Variants in CLPB observed in about 807,000 individuals in gnomAD.
CLPB encodes ClpB family mitochondrial disaggregase, also known as mitochondrial disaggregase.
In CLPB, 40 loss-of-function variants were observed where a neutral mutation model predicts 78.4. That is an observed-to-expected ratio of 0.51 (90% CI 0.40 to 0.66). The LOEUF is 0.66. Among genes scored for constraint, CLPB ranks in the 30% least tolerant of loss-of-function variants. The pLI is 0.00. For synonymous variants in CLPB, 333 were observed against 348.0 expected (o/e 0.96, Z 0.48); for missense variants, 780 against 886.9 (o/e 0.88, Z 1.53).
rs564559186 is a variant in CLPB, at chr11:72,328,383, T to G, written c.873+1324A>C. On this transcript the variant is annotated intron_variant, in intron 6 of 15. Transcript: ENST00000538039. ...GGTTGTTACAATAGCATAATCTAGC[T>G]TATCCTGACTGATCCATAGACAATC... Among the ~76,000 whole-genome samples, 5 of 152,360 alleles carry G rather than the reference T, an allele frequency of 3.3e-5. No individual in the cohort carries two copies. In the East Asian group the frequency reaches 7.7e-4, roughly 23 times the overall value.
rs751173875 is a variant in CLPB, at chr11:72,293,995, C to T, written c.1785+27G>A. ...CCCTGGGGAGGGAGGTGTGGAGGCG[C>T]CTCATTTCTCAGGCTCCTGTGCTCA... is the stretch of plus-strand genomic sequence containing the variant. On this transcript the variant is annotated intron_variant, in intron 15 of 15. Transcript: ENST00000538039. 4 of 1,589,484 alleles carry T rather than the reference C, an allele frequency of 2.5e-6. No individual in the cohort carries two copies. The East Asian group carries it at 9.0e-5, about 36-fold the overall frequency.
intron 8 of CLPB, 50 bp downstream of exon 8, chr11:72,308,477 G>C (rs1307908321): frequency 7.1e-6 from 11 of 1,547,006 alleles, no homozygotes; most frequent in Non-Finnish European, 9.8e-6. Flanking sequence ...GACTTGGGCC[G>C]GGCACTACCC....
intron 12 of CLPB, 38 bp from the exon 13 acceptor site, chr11:72,294,731 T>G (rs1172144408): frequency 5.7e-6 from 9 of 1,566,294 alleles, no homozygotes. Flanking sequence ...TTCCCCACAT[T>G]CAGGGAACTT....
chr11:72,434,294 C>T lies in CLPB; in HGVS notation c.181G>A (p.Ala61Thr). The T allele has an allele frequency of 6.2e-7, 1 of 1,612,866 alleles. No homozygotes were observed. The highest frequency in any genetic ancestry group is 8.5e-7 in the Non-Finnish European group (1 of 1,179,800). The change falls in exon 1 of 16, where the codon GCC (alanine) becomes ACC (threonine). Residue 61 changes from alanine to threonine, a missense_variant. Ala to Thr is a moderately conservative substitution (Grantham distance 58). Transcript: ENST00000538039. ...ATGGRPGTSP[A>T]LFSGRGAATG... ...GCTGCCCCACGTCCGGAGAACAAGG[C>T]CGGCGATGTTCCAGGGCGCCCCCCG... is the stretch of plus-strand genomic sequence containing the variant.
Position 72,293,299 on chromosome 11 carries a change from A to G in CLPB, c.*68T>C. On this transcript the variant is annotated 3_prime_UTR_variant, in exon 16 of 16. Coordinates refer to ENST00000538039, the MANE Select transcript of CLPB (RefSeq NM_001258392.3). ...GAGCGGCATGAGGGGAAGGTAAGTC[A>G]GTTGCCATGCCACAGCCAAGGGGCC... 6.4e-7 allele frequency: 1 copy of G among 1,565,256 alleles called. No homozygotes were observed. The highest frequency in any genetic ancestry group is 8.7e-7 in the Non-Finnish European group (1 of 1,149,098).
intron 6 of CLPB, 76 bp downstream of exon 6, chr11:72,329,631 C>G: frequency 2.1e-6 from 2 of 948,094 alleles, no homozygotes; most frequent in Non-Finnish European, 3.3e-6. Context: ...GGTGTAAAGC[C>G]TGACATAATT....
At chr11:72,409,162 G>C (rs1590911950) in intron 2 of CLPB, among the ~76,000 whole-genome samples, 2 of 152,096 alleles carry the variant, frequency 1.3e-5, no homozygotes, top group African/African-American at 4.8e-5. Flanking sequence ...GGGCCTTTCT[G>C]GGCTCACTCC....
chr11:72,384,685 T>C (rs908116735), intron 3 of CLPB, among the ~76,000 whole-genome samples: 1 of 151,834 alleles, frequency 6.6e-6, no homozygotes, highest in Non-Finnish European at 1.5e-5. Context: ...ATAGACTAAA[T>C]ACGAAGGAAT....
intron 6 of CLPB, among the ~76,000 whole-genome samples, chr11:72,322,692 T>C (rs1352173621): frequency 6.6e-6 from 1 of 152,236 alleles, no homozygotes; most frequent in Non-Finnish European, 1.5e-5. Flanking sequence ...TTGATTTATC[T>C]CATAACTGGT....
intron 3 of CLPB, among the ~76,000 whole-genome samples, chr11:72,381,745 C>T (rs935084783): frequency 6.6e-6 from 1 of 151,774 alleles, no homozygotes; most frequent in African/African-American, 2.4e-5. Flanking sequence ...CCAAGTTGGT[C>T]CACACAGCTC....
At chr11:72,416,749 A>AG (rs1300850958) in intron 2 of CLPB, among the ~76,000 whole-genome samples, 2 of 151,632 alleles carry the variant, frequency 1.3e-5, no homozygotes, top group Admixed American at 1.3e-4. Flanking sequence ...AAAAAAAAAA[A>AG]AAAAAAGAAA....
chr11:72,296,972 C>T (rs1949562293), intron 11 of CLPB, among the ~76,000 whole-genome samples: 1 of 152,234 alleles, frequency 6.6e-6, no homozygotes, highest in South Asian at 2.1e-4. Context: ...CCTTCCTCTG[C>T]ACCAGGCTAC....
chr11:72,408,871 G>T (rs1285848373), intron 2 of CLPB, among the ~76,000 whole-genome samples: 1 of 152,140 alleles, frequency 6.6e-6, no homozygotes, highest in Non-Finnish European at 1.5e-5. Context: ...TCAAAGTCCT[G>T]GGCCAGCTAG....
At chr11:72,425,611 C>G (rs1271603646) in intron 2 of CLPB, among the ~76,000 whole-genome samples, 1 of 152,178 alleles carries the variant, frequency 6.6e-6, no homozygotes, top group Non-Finnish European at 1.5e-5. Flanking sequence ...ACAGGCTGGA[C>G]AGATGGGCGA....
intron 4 of CLPB, among the ~76,000 whole-genome samples, chr11:72,364,358 C>T (rs1296942957): frequency 6.6e-6 from 1 of 152,018 alleles, no homozygotes; most frequent in Admixed American, 6.6e-5. Context: ...CATGCACGCG[C>T]CACCATGCCC....
rs974000691 is a variant in CLPB, at chr11:72,293,470, C to A, written c.1931G>T (p.Arg644Leu). ...PELPSPQAEK[R>L]LPKLRLEIID... ...GATCTCCAGACGCAGCTTGGGGAGG[C>A]GCTTCTCAGCCTGGGGTGAGGGCAG... The change falls in exon 16 of 16, where the codon CGC becomes CTC. Residue 644 changes from arginine to leucine, a missense_variant. Arg to Leu is a moderately radical substitution (Grantham distance 102). Around this residue, in one of 3 missense-constraint regions of CLPB, gnomAD observed 272 missense variants for 304.0 expected, o/e 0.89. Coordinates refer to ENST00000538039, the MANE Select transcript of CLPB (RefSeq NM_001258392.3). 2.5e-6 allele frequency: 4 copies of A among 1,614,000 alleles called. No individual in the cohort carries two copies. In the Middle Eastern group the frequency reaches 4.9e-4, roughly 199 times the overall value.
chr11:72,386,585 T>G (rs1277868318), intron 3 of CLPB, among the ~76,000 whole-genome samples: 2 of 152,202 alleles, frequency 1.3e-5, no homozygotes, highest in Non-Finnish European at 2.9e-5. Flanking sequence ...TTTCACTAAC[T>G]TACATGCACA....
At chr11:72,295,704 T>G in intron 11 of CLPB, 56 bp from the exon 12 acceptor site, 1 of 1,570,586 alleles carries the variant, frequency 6.4e-7, no homozygotes, top group Non-Finnish European at 8.7e-7. Flanking sequence ...TGGGCAGGCC[T>G]TAGCACTCTC....
intron 3 of CLPB, among the ~76,000 whole-genome samples, chr11:72,388,061 GT>G (rs1339530086): frequency 2.6e-5 from 4 of 152,120 alleles, no homozygotes; most frequent in Non-Finnish European, 4.4e-5. Flanking sequence ...AACCACGTAT[GT>G]TGCCCTTGGT....
Sources: allele counts gnomAD v4.1 joint callset (sites outside exome capture counted in the v4.1 genomes callset), GRCh38; gene constraint gnomAD v4.1.1; regional missense constraint gnomAD v4.1.1; transcripts MANE v1.5; gene names NCBI Gene and HGNC (gene_info 2026-07-23, HGNC 2026-07-21).